The following AMOTL1 variants were observed in gnomAD, a reference collection of about 807,000 sequenced individuals.
The protein encoded by AMOTL1 is angiomotin like 1.
AMOTL1 carries 45 observed loss-of-function variants against 102.9 expected under a neutral mutation model. The ratio of observed to expected loss-of-function variants is 0.44; its 90% CI spans 0.34 to 0.56. AMOTL1 has a LOEUF of 0.56. Ranked by LOEUF, AMOTL1 falls within the 20% of genes least tolerant of loss-of-function variation. The probability of loss-of-function intolerance (pLI) is 0.01; values close to 1 mark genes in which losing one functional copy is unlikely to be tolerated. For synonymous variants in AMOTL1, 481 were observed against 484.7 expected, an observed-to-expected ratio of 0.99 and a Z score of 0.10; for missense variants, 1,114 against 1,225.6, an observed-to-expected ratio of 0.91 and a Z score of 1.36.
At chr11:94,752,734 C>T (rs1365714181) in intron 3 of AMOTL1, among the ~76,000 whole-genome samples, 2 of 152,114 alleles carry the variant, frequency 1.3e-5, no homozygotes, top group African/African-American at 2.4e-5. Flanking sequence ...TGCTGTCTAA[C>T]AGTCAATAGC....
intron 3 of AMOTL1, among the ~76,000 whole-genome samples, chr11:94,747,962 G>A (rs1199278849): frequency 6.6e-6 from 1 of 152,142 alleles, no homozygotes; most frequent in Non-Finnish European, 1.5e-5. Flanking sequence ...GGGTGGGGTG[G>A]AAAAATGTAG....
chr11:94,765,894 C>T (rs999051886), upstream of AMOTL1, among the ~76,000 whole-genome samples: 5 of 152,212 alleles, frequency 3.3e-5, no homozygotes, highest in African/African-American at 1.2e-4. Flanking sequence ...CACTTCTCAC[C>T]CAGTCCCTTG....
At chr11:94,742,358 G>A (rs190659343) in intron 3 of AMOTL1, among the ~76,000 whole-genome samples, 10 of 152,338 alleles carry the variant, frequency 6.6e-5, no homozygotes, top group Admixed American at 5.9e-4. Flanking sequence ...TCCACAGTGC[G>A]ACGAAGCCAT....
chr11:94,829,650 G>T (rs1028465648), intron 4 of AMOTL1, among the ~76,000 whole-genome samples: 5 of 152,108 alleles, frequency 3.3e-5, no homozygotes, highest in Non-Finnish European at 5.9e-5. Context: ...TGGAAACTTG[G>T]GTTCTAATTA....
At chr11:94,775,244 C>T (rs1307585511) in intron 1 of AMOTL1, among the ~76,000 whole-genome samples, 1 of 152,070 alleles carries the variant, frequency 6.6e-6, no homozygotes, top group Non-Finnish European at 1.5e-5. Context: ...GACTTGGTAA[C>T]GATTGCATAG....
chr11:94,795,124 A>T lies in AMOTL1; in HGVS notation c.163A>T (p.Thr55Ser), dbSNP rs1266986064. ...TGGGAGGCATGAAACATCTGCTTTG[A>T]CGGTGGAGGCAACCAGTAGCATCAG... ...YSGRHETSAL[T>S]VEATSSIREK... The change falls in exon 2 of 13, where the codon ACG becomes TCG. Residue 55 changes from threonine (T) to serine (S), a missense_variant. Transcript: ENST00000433060. 4.3e-6 allele frequency: 7 copies of T among 1,613,882 alleles called. No individual in the cohort carries two copies. Among genetic ancestry groups the T allele is most frequent in the Non-Finnish European group, 5.9e-6 (7 of 1,179,848 alleles).
chr11:94,768,302 G>A, upstream of AMOTL1: 1 of 1,344,314 alleles, frequency 7.4e-7, no homozygotes, highest in Non-Finnish European at 9.5e-7. Flanking sequence ...TGACGAGCCC[G>A]GGCGACCCTC....
intron 4 of AMOTL1, among the ~76,000 whole-genome samples, 197 bp from the exon 5 acceptor site, chr11:94,829,853 C>A (rs756858652): frequency 6.6e-6 from 1 of 152,192 alleles, no homozygotes; most frequent in Non-Finnish European, 1.5e-5. Flanking sequence ...CTGTAATTTA[C>A]AAGATCCTAA....
At chr11:94,707,244 C>CTGTGTGTG (rs1224329236) in intron 1 of AMOTL1, among the ~76,000 whole-genome samples, 86 of 55,466 alleles carry the variant, frequency 1.6e-3, no homozygotes, top group Middle Eastern at 0.014. Context: ...CTCTCTCTCT[C>CTGTGTGTG]TCTCTCTGTG....
chr11:94,727,568 T>G (rs1950281543), intron 1 of AMOTL1, among the ~76,000 whole-genome samples: 1 of 152,160 alleles, frequency 6.6e-6, no homozygotes, highest in Non-Finnish European at 1.5e-5. Context: ...AGCATATTAT[T>G]ATAGGCTGCA....
intron 3 of AMOTL1, among the ~76,000 whole-genome samples, chr11:94,754,457 A>G (rs1358380074): frequency 6.6e-6 from 1 of 152,202 alleles, no homozygotes; most frequent in Admixed American, 6.5e-5. Context: ...CCGAAGTGGG[A>G]CTGTAACCTT....
At chr11:94,774,217 C>T (rs1950993188) in intron 1 of AMOTL1, among the ~76,000 whole-genome samples, 1 of 152,216 alleles carries the variant, frequency 6.6e-6, no homozygotes, top group African/African-American at 2.4e-5. Flanking sequence ...TGTTCCTTTT[C>T]ACAGTTGGGA....
intron 2 of AMOTL1, among the ~76,000 whole-genome samples, chr11:94,733,535 G>C (rs892814908): frequency 6.6e-6 from 1 of 152,202 alleles, no homozygotes; most frequent in Non-Finnish European, 1.5e-5. Flanking sequence ...CCACTTTTCT[G>C]TGAAAGAAGA....
At chr11:94,859,386 A>G in intron 8 of AMOTL1, 139 bp from the exon 9 acceptor site, 1 of 814,598 alleles carries the variant, frequency 1.2e-6, no homozygotes, top group Non-Finnish European at 1.8e-6. Context: ...ATTAACTACA[A>G]CAGAGGAATT....
rs1030596278 is a variant in AMOTL1 at position 94,768,366 on chromosome 11, A to G, written c.-146A>G. ...GCGGACGGCGGCGGGAGCGCGCGAG[A>G]AGCTCTAGGACCCAGCAGCGGTTGT... On this transcript the variant is annotated 5_prime_UTR_variant, in exon 1 of 13. Coordinates refer to ENST00000433060, the MANE Select transcript of AMOTL1 (RefSeq NM_130847.3). The G allele has an allele frequency of 1.9e-5, 26 of 1,376,384 alleles. No individual in the cohort carries two copies. In the Admixed American group the frequency reaches 7.8e-4, roughly 42 times the overall value. 85.3% of individuals were successfully genotyped at this position (1,376,384 alleles called of 1,614,324 possible). A position where few individuals can be genotyped will look rare whatever the true frequency, so the allele number is the denominator to read the frequency against.
chr11:94,760,896 C>A (rs1950784116), intron 3 of AMOTL1, among the ~76,000 whole-genome samples: 1 of 152,062 alleles, frequency 6.6e-6, no homozygotes, highest in African/African-American at 2.4e-5. Flanking sequence ...CATCCTAGCT[C>A]ACTGTAACCT....
chr11:94,799,429 T>C lies in AMOTL1; in HGVS notation c.239T>C (p.Leu80Pro). 1 of 1,594,930 alleles carries C rather than the reference T, an allele frequency of 6.3e-7. No homozygotes were observed. The highest frequency in any genetic ancestry group is 8.5e-7 in the Non-Finnish European group (1 of 1,169,890). Residue 80 changes from leucine to proline, a missense_variant, in exon 3 of 13, where the codon CTG (leucine) becomes CCG (proline). By Grantham distance (98) the Leu-to-Pro change is moderately conservative. Transcript: ENST00000433060. The surrounding 1 kb of genome is among the most constrained non-coding windows in gnomAD (Gnocchi z 4.5). ...TGTAACTTCCACTCCCCAAACTTCC[T>C]GAGGATCTCAGAGGTGGAAATGAGA... Reference protein sequence around the residue: ...PLCNFHSPNFLRISEVEMRGS... With the variant: ...PLCNFHSPNFPRISEVEMRGS...
In AMOTL1 at chr11:94,799,846, A is replaced by G. The variant is rs750682971; in HGVS notation, c.656A>G (p.Tyr219Cys). Reference sequence around the variant, plus strand: ...CAGGGGGCGGTGGGCCATGGTTACTACATGGCAGGGGGCACCAGTCAGAAG... The same window carrying G: ...CAGGGGGCGGTGGGCCATGGTTACTGCATGGCAGGGGGCACCAGTCAGAAG... ...QQQGAVGHGYYMAGGTSQKSR... is the reference protein window; with the variant it reads ...QQQGAVGHGYCMAGGTSQKSR... The change falls in exon 3 of 13, where the codon TAC (tyrosine) becomes TGC (cysteine). Residue 219 changes from tyrosine (Y) to cysteine (C), a missense_variant. Coordinates refer to ENST00000433060, the MANE Select transcript of AMOTL1 (RefSeq NM_130847.3). This position sits in a 1 kb window ranked among gnomAD's most constrained non-coding sequence, Gnocchi z 4.5. 3 of 1,592,252 alleles carry G rather than the reference A, an allele frequency of 1.9e-6. No individual in the cohort carries two copies.
chr11:94,842,422 A>G (rs1289116289), intron 6 of AMOTL1, among the ~76,000 whole-genome samples: 1 of 152,186 alleles, frequency 6.6e-6, no homozygotes, highest in Non-Finnish European at 1.5e-5. Context: ...TCAAAAAAAA[A>G]GTGGGTTGGG....
Sources: allele counts gnomAD v4.1 joint callset (sites outside exome capture counted in the v4.1 genomes callset), GRCh38; gene constraint gnomAD v4.1.1; non-coding constraint Gnocchi (gnomAD v3.1); transcripts MANE v1.5; gene names NCBI Gene and HGNC (gene_info 2026-07-23, HGNC 2026-07-21).